Variants in CNTN4 observed in about 807,000 individuals in gnomAD.
CNTN4 encodes the protein contactin 4.
Under a neutral mutation model 122.5 loss-of-function variants are expected in CNTN4, and 77 were observed. The ratio of observed to expected loss-of-function variants is 0.63; its 90% CI spans 0.52 to 0.76. CNTN4 has a LOEUF of 0.76. CNTN4 is among the 30% of genes least tolerant of loss of function. CNTN4 has a pLI of 0.00. For missense variants in CNTN4, 1,256 were observed against 1,259.1 expected, an observed-to-expected ratio of 1.00 and a Z score of 0.04; for synonymous variants, 512 against 447.0, an observed-to-expected ratio of 1.15 and a Z score of -1.83.
At chr3:2,557,495 A>C (rs1401874619) in intron 3 of CNTN4, among the ~76,000 whole-genome samples, 1 of 152,178 alleles carries the variant, frequency 6.6e-6, no homozygotes, top group Non-Finnish European at 1.5e-5. Flanking sequence ...TGGGAGGCCG[A>C]GGCGGGCAGA....
At chr3:2,176,010 A>G (rs2036733086) in intron 2 of CNTN4, among the ~76,000 whole-genome samples, 1 of 152,196 alleles carries the variant, frequency 6.6e-6, no homozygotes, top group Non-Finnish European at 1.5e-5. Context: ...TGTATGTGAA[A>G]AAAGGCCTGA....
rs375522242 is a variant in CNTN4 at position 3,040,033 on chromosome 3, C to T, written c.2164-4C>T. The T allele has an allele frequency of 2.0e-5, 32 of 1,600,896 alleles. No homozygotes were observed. The African/African-American group carries it at 3.7e-4, about 19-fold the overall frequency. The stretch of plus-strand genomic sequence containing the variant: ...TTCTGAAGACCACCTTCCTTCTTTC[C>T]CAGACGGTCCCTGAGGAATTACAGA... On this transcript the variant is annotated splice_polypyrimidine_tract_variant and splice_region_variant and intron_variant, in intron 19 of 24. Transcript: ENST00000418658.
chr3:2,864,986 A>G (rs1402750574), intron 7 of CNTN4, among the ~76,000 whole-genome samples: 1 of 152,028 alleles, frequency 6.6e-6, no homozygotes, highest in Non-Finnish European at 1.5e-5. Context: ...GTATGTAAGG[A>G]CTGCATTGCG....
In CNTN4 at chr3:2,476,187, G is replaced by A. The variant is rs149833880; in HGVS notation, c.-88-95229G>A. 4.6e-5 allele frequency among the ~76,000 whole-genome samples: 7 copies of A among 152,324 alleles called. No homozygotes were observed. In the East Asian group the frequency reaches 1.3e-3, roughly 29 times the overall value. On this transcript the variant is annotated intron_variant, in intron 3 of 24. Coordinates refer to ENST00000418658, the MANE Select transcript of CNTN4 (RefSeq NM_175607.3). ...GCAGCAACTTTAATGGTATCCTTGTGGAAATTGTGGATGACAATGAGTAGT... is the reference window on the plus strand; with the variant it reads ...GCAGCAACTTTAATGGTATCCTTGTAGAAATTGTGGATGACAATGAGTAGT...
At chr3:2,190,568 C>G (rs1424585610) in intron 2 of CNTN4, among the ~76,000 whole-genome samples, 1 of 151,406 alleles carries the variant, frequency 6.6e-6, no homozygotes, top group East Asian at 1.9e-4. Context: ...CATGAATACT[C>G]TAGTCTACAG....
At chr3:2,647,879 A>G (rs2083198935) in intron 4 of CNTN4, among the ~76,000 whole-genome samples, 1 of 152,224 alleles carries the variant, frequency 6.6e-6, no homozygotes, top group African/African-American at 2.4e-5. Context: ...AAATGGCTTT[A>G]GTGGTCACTT....
At chr3:2,190,806 GCACACACACA>G (rs34364522) in intron 2 of CNTN4, among the ~76,000 whole-genome samples, 233 of 147,614 alleles carry the variant, frequency 1.6e-3, no homozygotes, top group Middle Eastern at 0.014. Flanking sequence ...AGGACTTTAT[GCACACACACA>G]CACACACACA....
At chr3:2,732,437 G>A (rs2149468019) in intron 4 of CNTN4, among the ~76,000 whole-genome samples, 1 of 151,700 alleles carries the variant, frequency 6.6e-6, no homozygotes. Flanking sequence ...TTGCTGCGAT[G>A]CTCTTTACCT....
intron 2 of CNTN4, among the ~76,000 whole-genome samples, chr3:2,258,311 C>G (rs183512312): frequency 6.6e-6 from 1 of 152,168 alleles, no homozygotes; most frequent in South Asian, 2.1e-4. Context: ...TATTGCAGCA[C>G]TGTTTGCAAT....
intron 3 of CNTN4, among the ~76,000 whole-genome samples, chr3:2,369,914 C>T (rs888554660): frequency 1.3e-5 from 2 of 151,992 alleles, no homozygotes; most frequent in African/African-American, 4.8e-5. Flanking sequence ...AATGTCTGGG[C>T]CTGTTTATAC....
chr3:2,113,385 C>T (rs967543386), intron 2 of CNTN4, among the ~76,000 whole-genome samples: 5 of 152,190 alleles, frequency 3.3e-5, no homozygotes, highest in South Asian at 2.1e-4. Flanking sequence ...TGCCCATGGC[C>T]GTGTTGTAAT....
At chr3:2,198,569 C>G (rs939107458) in intron 2 of CNTN4, among the ~76,000 whole-genome samples, 1 of 151,952 alleles carries the variant, frequency 6.6e-6, no homozygotes, top group African/African-American at 2.4e-5. Context: ...TCCAAATATC[C>G]AAATTTATAA....
chr3:2,771,897 A>G (rs989350692), intron 6 of CNTN4, among the ~76,000 whole-genome samples: 2 of 152,160 alleles, frequency 1.3e-5, no homozygotes, highest in Non-Finnish European at 2.9e-5. Context: ...GTCTTGACAG[A>G]TGGTTGATAG....
intron 6 of CNTN4, among the ~76,000 whole-genome samples, chr3:2,768,919 C>T (rs1033124973): frequency 6.6e-6 from 1 of 152,120 alleles, no homozygotes; most frequent in Admixed American, 6.5e-5. Flanking sequence ...TTCGTGATCC[C>T]ATTAAGGGAC....
rs558403174 is a variant in CNTN4, at chr3:2,984,546, G to C, written c.1359-3799G>C. 1.6e-4 allele frequency among the ~76,000 whole-genome samples: 24 copies of C among 152,332 alleles called. No individual in the cohort carries two copies. In the South Asian group the frequency reaches 4.3e-3, roughly 28 times the overall value. On this transcript the variant is annotated intron_variant, in intron 13 of 24. Transcript: ENST00000418658. ...CAAGGTTGGGAAACTCTGTCTCAGA[G>C]CTTGCATAAGTAACTTGGCTATGCC...
intron 2 of CNTN4, among the ~76,000 whole-genome samples, chr3:2,170,126 C>T (rs1340361739): frequency 1.3e-5 from 2 of 151,806 alleles, no homozygotes; most frequent in African/African-American, 2.4e-5. Context: ...TCGAGACCAT[C>T]CTGGCTAACA....
chr3:2,897,103 G>A (rs1192951623), intron 10 of CNTN4, among the ~76,000 whole-genome samples: 1 of 152,066 alleles, frequency 6.6e-6, no homozygotes, highest in East Asian at 1.9e-4. Context: ...ATATCTGCCT[G>A]CAATATAAAT....
chr3:2,120,389 ATATATATATATATATATTTTTTTT>A (rs2033670350), intron 2 of CNTN4, among the ~76,000 whole-genome samples: 1 of 27,848 alleles, frequency 3.6e-5, no homozygotes, highest in African/African-American at 9.5e-5. Flanking sequence ...ATATATATAT[ATATATATATATATATATTTTTTTT>A]TTTTTTTTTA....
chr3:2,182,345 A>G (rs2037053556), intron 2 of CNTN4, among the ~76,000 whole-genome samples: 1 of 152,072 alleles, frequency 6.6e-6, no homozygotes. Context: ...AAGATTCTCA[A>G]TAAATTCACA....
Sources: allele counts gnomAD v4.1 joint callset (sites outside exome capture counted in the v4.1 genomes callset), GRCh38; gene constraint gnomAD v4.1.1; transcripts MANE v1.5; gene names NCBI Gene and HGNC (gene_info 2026-07-23, HGNC 2026-07-21).